UBAC2: variants seen among roughly 807,000 people sequenced by gnomAD.
UBAC2 encodes UBA domain containing 2.
UBAC2 carries 26 observed loss-of-function variants against 44.0 expected under a neutral mutation model. The ratio of observed to expected loss-of-function variants is 0.59; its 90% CI spans 0.43 to 0.82. The LOEUF is 0.82. UBAC2 is among the 40% of genes least tolerant of loss of function. The pLI is 0.00. For missense variants in UBAC2, 329 were observed against 419.4 expected, an observed-to-expected ratio of 0.78 and a Z score of 1.88; for synonymous variants, 155 against 154.3, an observed-to-expected ratio of 1.00 and a Z score of -0.04.
chr13:99,317,970 G>A, intron 5 of UBAC2, 52 bp from the exon 6 acceptor site: 4 of 1,440,372 alleles, frequency 2.8e-6, no homozygotes, highest in Non-Finnish European at 3.9e-6. Context: ...TAAGTGTGCT[G>A]TGACTGGCAG....
chr13:99,340,277 T>C, intron 6 of UBAC2, 43 bp from the exon 7 acceptor site: 2 of 1,595,370 alleles, frequency 1.3e-6, no homozygotes, highest in South Asian at 1.1e-5. Flanking sequence ...TTTTTTAAAA[T>C]AATACTACAT....
chr13:99,255,451 G>A (rs776777158), intron 4 of UBAC2: 16 of 1,613,904 alleles, frequency 9.9e-6, no homozygotes, highest in Admixed American at 3.3e-5. Context: ...TCCCACACAC[G>A]CCAGCACGGC....
chr13:99,225,691 A>G (rs370498237), intron 1 of UBAC2, among the ~76,000 whole-genome samples: 1 of 152,196 alleles, frequency 6.6e-6, no homozygotes, highest in South Asian at 2.1e-4. Flanking sequence ...GGATGCTGCA[A>G]CAAGGAATGT....
At chr13:99,232,399 GATATAGAT>G (rs968781373) in intron 1 of UBAC2, among the ~76,000 whole-genome samples, 3 of 109,900 alleles carry the variant, frequency 2.7e-5, no homozygotes, top group Non-Finnish European at 4.2e-5. Context: ...TTAGTTGAGA[GATATAGAT>G]ATATATATAT....
chr13:99,306,759 A>C (rs1390832865), intron 4 of UBAC2, among the ~76,000 whole-genome samples: 2 of 152,094 alleles, frequency 1.3e-5, no homozygotes, highest in African/African-American at 4.8e-5. Context: ...TCACTTATCT[A>C]ATTAGTAGTA....
chr13:99,352,798 T>TC (rs58944134), intron 7 of UBAC2, among the ~76,000 whole-genome samples: 38,156 of 152,140 alleles, frequency 0.25, 5,983 homozygotes, highest in Non-Finnish European at 0.35. Context: ...TGGTCACTCT[T>TC]CTGGGAGAAA....
intron 4 of UBAC2, among the ~76,000 whole-genome samples, chr13:99,278,844 A>T (rs1427867310): frequency 6.6e-6 from 1 of 152,188 alleles, no homozygotes; most frequent in Middle Eastern, 3.2e-3. Flanking sequence ...TGAAATTTTA[A>T]CCTACATCAC....
At chr13:99,364,410 A>G (rs2045304375) in intron 7 of UBAC2, among the ~76,000 whole-genome samples, 1 of 150,408 alleles carries the variant, frequency 6.6e-6, no homozygotes, top group South Asian at 2.1e-4. Context: ...GAATTTGCTG[A>G]TATTTTATTT....
intron 4 of UBAC2, among the ~76,000 whole-genome samples, chr13:99,254,179 A>G (rs2043498893): frequency 6.6e-6 from 1 of 152,244 alleles, no homozygotes. Flanking sequence ...GTATTGGAGA[A>G]TGGCATTTCA....
chr13:99,251,917 T>C (rs997086969), intron 4 of UBAC2, among the ~76,000 whole-genome samples: 2 of 152,158 alleles, frequency 1.3e-5, no homozygotes, highest in Admixed American at 6.5e-5. Context: ...AGCAAGCGTA[T>C]ACCCCTTCCA....
At chr13:99,248,388 AT>A (rs35640725) in intron 4 of UBAC2, among the ~76,000 whole-genome samples, 17,912 of 130,082 alleles carry the variant, frequency 0.14, 1,287 homozygotes, top group East Asian at 0.31. Flanking sequence ...TGCCCACCTA[AT>A]TTTTTTTTTT....
At chr13:99,223,425 G>GT (rs1195649655) in intron 1 of UBAC2, among the ~76,000 whole-genome samples, 1 of 150,290 alleles carries the variant, frequency 6.7e-6, no homozygotes, top group Non-Finnish European at 1.5e-5. Context: ...CCAGCTTTGA[G>GT]TTTCATTGAT....
At chr13:99,214,231 T>G (rs1285115291) in intron 1 of UBAC2, among the ~76,000 whole-genome samples, 51 of 152,006 alleles carry the variant, frequency 3.4e-4, no homozygotes, top group Admixed American at 3.3e-4. Flanking sequence ...TTGTTTTTTT[T>G]TTTTTTTTTC....
rs139484990 is a variant in UBAC2, at chr13:99,357,424, A to G, written c.808-10363A>G. ...GTTTTTAATGTACGTTTGTTTTGTT[A>G]TCTCAGCCAAACTCTTTTCAGGGCC... On this transcript the variant is annotated intron_variant, in intron 7 of 8. Transcript: ENST00000403766. Among the ~76,000 whole-genome samples the G allele has an allele frequency of 3.0e-3, 450 of 152,344 alleles. 2 individuals are homozygous for G. Among genetic ancestry groups the G allele is most frequent in the African/African-American group, 0.011 (437 of 41,572 alleles).
At chr13:99,266,524 T>C (rs2138655792) in intron 4 of UBAC2, among the ~76,000 whole-genome samples, 1 of 152,348 alleles carries the variant, frequency 6.6e-6, no homozygotes, top group Admixed American at 6.5e-5. Context: ...CTGCCCTCTT[T>C]GGAAGCATCC....
At chr13:99,361,339 C>T (rs981479216) in intron 7 of UBAC2, among the ~76,000 whole-genome samples, 13 of 152,080 alleles carry the variant, frequency 8.5e-5, no homozygotes, top group Non-Finnish European at 7.4e-5. Flanking sequence ...CATATTTAAC[C>T]CTACGTAAAG....
chr13:99,364,723 T>G (rs2045308943), intron 7 of UBAC2, among the ~76,000 whole-genome samples: 1 of 152,180 alleles, frequency 6.6e-6, no homozygotes, highest in Non-Finnish European at 1.5e-5. Flanking sequence ...AAATGTACTT[T>G]TTGTGTTTAT....
rs2043266027 is a variant in UBAC2 at position 99,238,557 on chromosome 13, A to G, written c.159+3A>G. On this transcript the variant is annotated splice_donor_region_variant and intron_variant, in intron 2 of 8. Coordinates refer to ENST00000403766, the MANE Select transcript of UBAC2 (RefSeq NM_001144072.2). ...ACGCAGTCAAGAACGACTTCCAGGT[A>G]AGCTCTGCCTCATTGGCCCCTGAGA... is the stretch of plus-strand genomic sequence containing the variant. 1 of 1,603,652 alleles carries G rather than the reference A, an allele frequency of 6.2e-7. No individual in the cohort carries two copies. The highest frequency in any genetic ancestry group is 8.5e-7 in the Non-Finnish European group (1 of 1,175,030).
chr13:99,334,873 A>G (rs1318868228), intron 6 of UBAC2, among the ~76,000 whole-genome samples: 2 of 152,190 alleles, frequency 1.3e-5, no homozygotes, highest in African/African-American at 2.4e-5. Flanking sequence ...GCTATATGGT[A>G]TCTACAAGAC....
Sources: gnomAD v4.1 joint callset for allele counts (sites outside exome capture counted in the v4.1 genomes callset) on GRCh38, gnomAD v4.1.1 for gene constraint, MANE v1.5 for transcripts, NCBI Gene and HGNC (gene_info 2026-07-23, HGNC 2026-07-21) for gene names.